ADGRV1: variants seen among roughly 807,000 people sequenced by gnomAD.
ADGRV1 encodes the protein adhesion G protein-coupled receptor V1, also known as G-protein coupled receptor 98.
Under a neutral mutation model 596.2 loss-of-function variants are expected in ADGRV1, and 359 were observed. The ratio of observed to expected loss-of-function variants is 0.60; its 90% CI spans 0.55 to 0.66. ADGRV1 has a LOEUF of 0.66. ADGRV1 is among the 30% of genes least tolerant of loss of function. The probability of loss-of-function intolerance (pLI) is 0.00; values close to 1 mark genes in which losing one functional copy is unlikely to be tolerated. For missense variants in ADGRV1, 7,274 were observed against 7,575.6 expected (o/e 0.96, Z 1.48); for synonymous variants, 2,681 against 2,679.2 (o/e 1.00, Z -0.02).
chr5:90,690,943 C>A lies in ADGRV1; in HGVS notation c.6853C>A (p.Leu2285Met), dbSNP rs201645479. ...TAATGGACAGCTTGCTACTGGCGAC[C>A]TGCGAGTTGTCTCAGGTAATGTGAC... ...TINGQLATGD[L>M]RVVSGNVTFA... is the part of the protein sequence containing the mutation. Residue 2285 changes from leucine to methionine, a missense_variant, in exon 31 of 90, where the codon CTG (leucine) becomes ATG (methionine). Physicochemically the swap from Leu to Met is conservative, Grantham distance 15. Around this residue, in one of 5 missense-constraint regions of ADGRV1, gnomAD observed 3,643 missense variants for 3,809.2 expected, o/e 0.96. Transcript: ENST00000405460. The A allele has an allele frequency of 5.0e-6, 8 of 1,613,844 alleles. No homozygotes were observed. The East Asian group carries it at 1.8e-4, about 36-fold the overall frequency.
chr5:91,104,352 C>T (rs967609461), intron 87 of ADGRV1, among the ~76,000 whole-genome samples: 13 of 152,056 alleles, frequency 8.5e-5, no homozygotes, highest in African/African-American at 2.9e-4. Context: ...TACATAGTGA[C>T]GTATTGATAC....
rs1430932067 is a variant in ADGRV1 at position 90,665,438 on chromosome 5, T to C, written c.4753-7108T>C. On this transcript the variant is annotated intron_variant, in intron 21 of 89. Coordinates refer to ENST00000405460, the MANE Select transcript of ADGRV1 (RefSeq NM_032119.4). Reference sequence around the variant, plus strand: ...AGTATTCTCTGATGGTAGTTTGTATTTCTGTGGGATCAGTGGTGATATTCC... The same window carrying C: ...AGTATTCTCTGATGGTAGTTTGTATCTCTGTGGGATCAGTGGTGATATTCC... Among the ~76,000 whole-genome samples the C allele has an allele frequency of 2.0e-5, 3 of 152,140 alleles. No individual in the cohort carries two copies. The East Asian group carries it at 5.8e-4, about 29-fold the overall frequency.
At chr5:90,959,989 A>G (rs979322069) in intron 83 of ADGRV1, among the ~76,000 whole-genome samples, 1 of 151,974 alleles carries the variant, frequency 6.6e-6, no homozygotes, top group Non-Finnish European at 1.5e-5. Flanking sequence ...AATACAAAAA[A>G]TTAGCTGGGC....
Position 90,810,553 on chromosome 5 carries a change from A to C in ADGRV1, c.15293A>C (p.Glu5098Ala), listed in dbSNP as rs749667453. 28 of 1,613,910 alleles carry C rather than the reference A, an allele frequency of 1.7e-5. No homozygotes were observed. The East Asian group carries it at 6.2e-4, about 36-fold the overall frequency. Reference protein sequence around the residue: ...EFFYINLTSVEIRGLQKFDVN... With the variant: ...EFFYINLTSVAIRGLQKFDVN... ...TTTTACATTAACCTTACTTCAGTAG[A>C]AATTAGGGGATTACAAAAGTTTGAT... The change falls in exon 74 of 90, where the codon GAA becomes GCA. Residue 5098 changes from glutamate (E) to alanine (A), a missense_variant. Physicochemically the swap from Glu to Ala is moderately radical, Grantham distance 107. Coordinates refer to ENST00000405460, the MANE Select transcript of ADGRV1 (RefSeq NM_032119.4).
chr5:90,661,427 T>C (rs1770276145), intron 21 of ADGRV1, among the ~76,000 whole-genome samples: 1 of 152,226 alleles, frequency 6.6e-6, no homozygotes, highest in African/African-American at 2.4e-5. Context: ...GCCTACCATG[T>C]GCTATGTGAA....
chr5:90,775,535 G>A (rs1758134400), intron 60 of ADGRV1, among the ~76,000 whole-genome samples: 1 of 152,096 alleles, frequency 6.6e-6, no homozygotes, highest in African/African-American at 2.4e-5. Flanking sequence ...GCAGTGCAGT[G>A]GTGTGATCAC....
chr5:90,740,618 C>A (rs1753840263), intron 50 of ADGRV1, among the ~76,000 whole-genome samples: 2 of 152,134 alleles, frequency 1.3e-5, no homozygotes, highest in African/African-American at 4.8e-5. Context: ...CAAGGCAGAG[C>A]CGCCACCAAG....
intron 83 of ADGRV1, among the ~76,000 whole-genome samples, chr5:90,901,626 AC>A (rs1268949228): frequency 6.6e-6 from 1 of 152,162 alleles, no homozygotes; most frequent in African/African-American, 2.4e-5. Flanking sequence ...AAAAATTAGT[AC>A]TTGGCCTCCT....
rs115160928 is a variant in ADGRV1 at position 91,115,743 on chromosome 5, T to C, written c.18432+13403T>C. 4.6e-3 allele frequency among the ~76,000 whole-genome samples: 701 copies of C among 152,216 alleles called. 5 individuals are homozygous for C. Among genetic ancestry groups the C allele is most frequent in the African/African-American group, 0.016 (675 of 41,514 alleles). ...GGGCAGATCACTTGAGGTCAGGAGCTCGAGGCCAGTCTGGCTAACATGGTG... is the reference window on the plus strand; with the variant it reads ...GGGCAGATCACTTGAGGTCAGGAGCCCGAGGCCAGTCTGGCTAACATGGTG... On this transcript the variant is annotated intron_variant, in intron 87 of 89. Coordinates refer to ENST00000405460, the MANE Select transcript of ADGRV1 (RefSeq NM_032119.4).
chr5:90,777,942 G>A lies in ADGRV1; in HGVS notation c.12565G>A (p.Val4189Met), dbSNP rs1758419375. The change falls in exon 62 of 90, where the codon GTG (valine) becomes ATG (methionine). Residue 4189 changes from valine to methionine, a missense_variant. Physicochemically the swap from Val to Met is conservative, Grantham distance 21 (BLOSUM62 1). Transcript: ENST00000405460. ...RGPGILGEVT[V>M]FWRIFPPSVG... ...CCCAGGGATTTTGGGGGAGGTCACA[G>A]TGTTCTGGAGGATATTCCCTCCTTC... 1 of 1,612,720 alleles carries A rather than the reference G, an allele frequency of 6.2e-7. No individual in the cohort carries two copies. Among genetic ancestry groups the A allele is most frequent in the South Asian group, 1.1e-5 (1 of 90,818 alleles).
intron 87 of ADGRV1, among the ~76,000 whole-genome samples, chr5:91,124,858 T>C (rs1213876255): frequency 2.6e-5 from 4 of 152,246 alleles, no homozygotes; most frequent in Non-Finnish European, 5.9e-5. Context: ...TATGATTTTT[T>C]CTAATTAATT....
chr5:91,079,857 T>A (rs1304251481), intron 86 of ADGRV1, among the ~76,000 whole-genome samples: 1 of 152,162 alleles, frequency 6.6e-6, no homozygotes, highest in East Asian at 1.9e-4. Flanking sequence ...ACAGAGGGCA[T>A]AGAGCATGGA....
At position 90,686,006 on chromosome 5, in the gene ADGRV1, A is replaced by G. The variant is rs768234728; in HGVS notation, c.6490+11A>G. On this transcript the variant is annotated intron_variant, in intron 29 of 89. Transcript: ENST00000405460. ...TAACTGCAATAGCTGGTAAGAAAAG[A>G]CATCTAAAAAGCAGTACATACAGAG... 6.5e-7 allele frequency: 1 copy of G among 1,546,382 alleles called. No individual in the cohort carries two copies. Among genetic ancestry groups the G allele is most frequent in the South Asian group, 1.2e-5 (1 of 82,160 alleles).
intron 21 of ADGRV1, among the ~76,000 whole-genome samples, chr5:90,667,888 C>A (rs1383940056): frequency 6.6e-6 from 1 of 151,996 alleles, no homozygotes; most frequent in Non-Finnish European, 1.5e-5. Context: ...GTCAGTGTGC[C>A]CCTGTTGGGG....
chr5:90,862,356 TCACACACACA>T (rs5869527), intron 82 of ADGRV1, among the ~76,000 whole-genome samples: 16 of 150,444 alleles, frequency 1.1e-4, no homozygotes, highest in Admixed American at 9.9e-4. Flanking sequence ...AGTATATTAC[TCACACACACA>T]CACACACACA....
In ADGRV1 at chr5:90,763,122, G is replaced by A. The variant is rs1407722353; in HGVS notation, c.12121-183G>A. On this transcript the variant is annotated intron_variant, in intron 58 of 89. Coordinates refer to ENST00000405460, the MANE Select transcript of ADGRV1 (RefSeq NM_032119.4). ...AAGAGAAGACAGGAAATGCCAACTA[G>A]TTGAGCATCTAGGAATAGAAAGTGG... 4 of 504,844 alleles carry A rather than the reference G, an allele frequency of 7.9e-6. No homozygotes were observed. The East Asian group carries it at 8.9e-5, about 11-fold the overall frequency. The allele number at this position is 504,844 out of a possible 1,614,324, so 31.3% of individuals were successfully genotyped here. A position where few individuals can be genotyped will look rare whatever the true frequency, so the allele number is the denominator to read the frequency against.
At chr5:90,823,715 T>C in intron 76 of ADGRV1, 119 bp downstream of exon 76, 2 of 842,360 alleles carry the variant, frequency 2.4e-6, no homozygotes, top group Non-Finnish European at 3.6e-6. Context: ...TGTGTTTTTC[T>C]TAGCCATAAT....
intron 17 of ADGRV1, among the ~76,000 whole-genome samples, chr5:90,648,494 C>T (rs10056775): frequency 0.12 from 18,159 of 152,088 alleles, 1,336 homozygotes; most frequent in African/African-American, 0.21. Flanking sequence ...ATAGAGATGC[C>T]CCCATGAGCT....
rs776241274 is a variant in ADGRV1 at position 90,810,675 on chromosome 5, G to C, written c.15415G>C (p.Glu5139Gln). 13 of 1,613,714 alleles carry C rather than the reference G, an allele frequency of 8.1e-6. No individual in the cohort carries two copies. In the African/African-American group the frequency reaches 9.4e-5, roughly 12 times the overall value. ...GGCAGGAATGGATATTTCCTTCCCC[G>C]AGACAACTGTGGCTGTAGCAGTTGA... Reference protein sequence around the residue: ...DLAGMDISFPETTVAVAVDTT... With the variant: ...DLAGMDISFPQTTVAVAVDTT... The change falls in exon 74 of 90, where the codon GAG (glutamate) becomes CAG (glutamine). Residue 5139 changes from glutamate to glutamine, a missense_variant. Transcript: ENST00000405460.
Sources: gnomAD v4.1 joint callset for allele counts (sites outside exome capture counted in the v4.1 genomes callset) on GRCh38, gnomAD v4.1.1 for gene constraint, gnomAD v4.1.1 regional missense constraint, MANE v1.5 for transcripts, NCBI Gene and HGNC (gene_info 2026-07-23, HGNC 2026-07-21) for gene names.